CABP1: variants seen among roughly 807,000 people sequenced by gnomAD.
CABP1 encodes the protein calcium-binding protein 1.
CABP1 carries 17 observed loss-of-function variants against 34.3 expected under a neutral mutation model. The observed-to-expected ratio is 0.50, with a 90% CI of 0.34 to 0.74. CABP1 has a LOEUF of 0.74. CABP1 is among the 30% of genes least tolerant of loss of function. The pLI is 0.01. For missense variants in CABP1, 373 were observed against 511.1 expected (o/e 0.73, Z 2.61); for synonymous variants, 198 against 229.2 (o/e 0.86, Z 1.23).
At chr12:120,675,649 C>T in the CABP1 span, among the ~76,000 whole-genome samples, 7 of 152,326 alleles carry the variant, frequency 4.6e-5, no homozygotes, top group African/African-American at 1.4e-4. Context: ...ATTTATTGTA[C>T]GACAATATGT....
At chr12:120,652,655 G>A (rs984966878) in intron 1 of CABP1, among the ~76,000 whole-genome samples, 2 of 152,138 alleles carry the variant, frequency 1.3e-5, no homozygotes, top group Non-Finnish European at 2.9e-5. Context: ...CTTAGAAGTC[G>A]TCTAGTCCAA....
At chr12:120,674,087 G>A in the CABP1 span, among the ~76,000 whole-genome samples, 1 of 152,204 alleles carries the variant, frequency 6.6e-6, no homozygotes, top group Non-Finnish European at 1.5e-5. Flanking sequence ...AGGAGGCTGA[G>A]GCACAGGGAT....
downstream of CABP1, among the ~76,000 whole-genome samples, chr12:120,668,173 C>T (rs543541927): frequency 3.5e-4 from 52 of 149,986 alleles, no homozygotes; most frequent in African/African-American, 1.1e-3. Flanking sequence ...TGGAGGAAGT[C>T]CCAGTGTGTG....
At chr12:120,679,140 A>T in the CABP1 span, among the ~76,000 whole-genome samples, 329 of 152,048 alleles carry the variant, frequency 2.2e-3, 1 homozygote, top group African/African-American at 7.7e-3. Context: ...CTTATTTTTA[A>T]CAGTCCTACA....
intron 1 of CABP1, among the ~76,000 whole-genome samples, chr12:120,647,979 A>G (rs1198736380): frequency 6.6e-6 from 1 of 152,112 alleles, no homozygotes; most frequent in Non-Finnish European, 1.5e-5. Flanking sequence ...TGCCCATTGG[A>G]GACAGAATTA....
chr12:120,658,345 G>T (rs541988085), intron 1 of CABP1, among the ~76,000 whole-genome samples: 1 of 152,098 alleles, frequency 6.6e-6, no homozygotes, highest in East Asian at 1.9e-4. Flanking sequence ...TGATCCCCTC[G>T]CCTTGGCCTC....
chr12:120,656,447 A>AATG (rs34289517), intron 1 of CABP1, among the ~76,000 whole-genome samples: 80,603 of 151,364 alleles, frequency 0.53, 21,853 homozygotes, highest in Non-Finnish European at 0.6. Flanking sequence ...CGAGCAAAAT[A>AATG]ATGATGATGA....
chr12:120,648,995 C>T (rs1023013137), intron 1 of CABP1, among the ~76,000 whole-genome samples: 2 of 152,078 alleles, frequency 1.3e-5, no homozygotes, highest in African/African-American at 2.4e-5. Context: ...ATGCTGTTTC[C>T]AGGAGACACG....
chr12:120,645,947 A>G (rs1879520699), intron 1 of CABP1, among the ~76,000 whole-genome samples: 1 of 152,228 alleles, frequency 6.6e-6, no homozygotes. Flanking sequence ...GCACTTTGGG[A>G]GGCCAAGTCA....
At position 120,666,933 on chromosome 12, in the gene CABP1, CCCAAAGGCGGGG is replaced by C; in HGVS notation, c.*35_*46del. The C allele has an allele frequency of 6.3e-7, 1 of 1,592,966 alleles. No homozygotes were observed. Among genetic ancestry groups the C allele is most frequent in the Non-Finnish European group, 8.5e-7 (1 of 1,174,656 alleles). ...AGGGCCCCTCCAGGACTGCCAAGCT[CCCAAAGGCGGGG>C]CTAAGAGGAGCTAGAGCTTGCCTCA... On this transcript the variant is annotated 3_prime_UTR_variant, in exon 6 of 6. Transcript: ENST00000316803.
chr12:120,658,391 C>G (rs1226806219), intron 1 of CABP1, among the ~76,000 whole-genome samples: 2 of 152,136 alleles, frequency 1.3e-5, no homozygotes, highest in African/African-American at 4.8e-5. Flanking sequence ...GACCACCGTG[C>G]CTGGCCCATA....
chr12:120,651,397 C>T (rs1045606030), intron 1 of CABP1, among the ~76,000 whole-genome samples: 9 of 152,296 alleles, frequency 5.9e-5, no homozygotes, highest in Admixed American at 1.3e-4. Context: ...TTAGAAAGAA[C>T]ATGATCATCT....
intron 1 of CABP1, among the ~76,000 whole-genome samples, chr12:120,651,992 C>T (rs1277258671): frequency 6.6e-6 from 1 of 152,242 alleles, no homozygotes; most frequent in Non-Finnish European, 1.5e-5. Flanking sequence ...TCCCACCCAT[C>T]TTCCCTTACA....
chr12:120,676,097 G>A, the CABP1 span, among the ~76,000 whole-genome samples: 2 of 151,962 alleles, frequency 1.3e-5, no homozygotes, highest in African/African-American at 4.8e-5. Flanking sequence ...AAACAGCCTT[G>A]ATTCCTAGTC....
At chr12:120,677,083 G>GT in the CABP1 span, among the ~76,000 whole-genome samples, 7 of 131,282 alleles carry the variant, frequency 5.3e-5, no homozygotes, top group Admixed American at 3.2e-4. Context: ...TGAAGTTTGT[G>GT]GTTTTTTTTT....
At chr12:120,666,581 A>C (rs1329826195) in intron 5 of CABP1, among the ~76,000 whole-genome samples, 1 of 151,888 alleles carries the variant, frequency 6.6e-6, no homozygotes, top group Admixed American at 6.6e-5. Flanking sequence ...GTTGGGAGTT[A>C]GCCTGAGAGA....
chr12:120,658,009 T>C (rs1880351711), intron 1 of CABP1, among the ~76,000 whole-genome samples: 1 of 151,868 alleles, frequency 6.6e-6, no homozygotes, highest in South Asian at 2.1e-4. Flanking sequence ...TCCTTTTTGG[T>C]CACCCAAAAA....
Position 120,661,367 on chromosome 12 carries a change from C to T in CABP1, c.1087+149C>T, listed in dbSNP as rs986047455. ...CCTCTTATCCCTCCGTCCATGCCCC[C>T]GTCTAATCCATCTCCCATCCCTTCC... On this transcript the variant is annotated intron_variant, in intron 5 of 5. Transcript: ENST00000316803. The surrounding 1 kb of genome is among the most constrained non-coding windows in gnomAD (Gnocchi z 5.1). 10 of 773,014 alleles carry T rather than the reference C, an allele frequency of 1.3e-5. No individual in the cohort carries two copies. The highest frequency in any genetic ancestry group is 3.0e-5 in the Admixed American group (1 of 33,744). 47.9% of individuals were successfully genotyped at this position (773,014 alleles called of 1,614,324 possible).
downstream of CABP1, among the ~76,000 whole-genome samples, chr12:120,669,833 C>T (rs1226087008): frequency 6.6e-6 from 1 of 152,144 alleles, no homozygotes; most frequent in Non-Finnish European, 1.5e-5. Context: ...TTCAGAGGCC[C>T]CTTAATGCTC....
Sources: allele counts gnomAD v4.1 joint callset (sites outside exome capture counted in the v4.1 genomes callset), GRCh38; gene constraint gnomAD v4.1.1; non-coding constraint Gnocchi (gnomAD v3.1); transcripts MANE v1.5; gene names NCBI Gene and HGNC (gene_info 2026-07-23, HGNC 2026-07-21).